The following DACH1 variants were observed in gnomAD, a reference collection of about 807,000 sequenced individuals.
DACH1 encodes dachshund homolog 1.
A neutral mutation model predicts 54.2 loss-of-function variants in DACH1; 12 were observed. The observed-to-expected ratio is 0.22, with a 90% CI of 0.14 to 0.36. The LOEUF (loss-of-function observed/expected upper bound fraction) is 0.36, where lower values mean the gene tolerates loss of function less well. Ranked by LOEUF, DACH1 falls within the 10% of genes least tolerant of loss-of-function variation. The probability of loss-of-function intolerance (pLI) is 1.00; values close to 1 mark genes in which losing one functional copy is unlikely to be tolerated. For synonymous variants in DACH1, 386 were observed against 366.2 expected, an observed-to-expected ratio of 1.05 and a Z score of -0.62; for missense variants, 805 against 929.8, an observed-to-expected ratio of 0.87 and a Z score of 1.75.
chr13:71,573,212 T>C (rs1217829936), intron 3 of DACH1, among the ~76,000 whole-genome samples, 200 bp from the exon 4 acceptor site: 2 of 152,162 alleles, frequency 1.3e-5, no homozygotes, highest in Non-Finnish European at 1.5e-5. Flanking sequence ...TCCTAACTTA[T>C]CCTGTGTTTA....
chr13:71,604,572 A>G (rs1174422016), intron 3 of DACH1, among the ~76,000 whole-genome samples: 1 of 151,946 alleles, frequency 6.6e-6, no homozygotes, highest in Non-Finnish European at 1.5e-5. Flanking sequence ...TTCCAATAAT[A>G]TGGTCTTTTT....
chr13:71,786,629 C>T (rs1191333594), intron 1 of DACH1, among the ~76,000 whole-genome samples: 1 of 152,008 alleles, frequency 6.6e-6, no homozygotes, highest in Admixed American at 6.6e-5. Flanking sequence ...ACATTTTAAT[C>T]ATATAAGAAT....
chr13:71,544,331 T>C (rs1883328328), intron 6 of DACH1, among the ~76,000 whole-genome samples: 1 of 152,142 alleles, frequency 6.6e-6, no homozygotes, highest in Admixed American at 6.6e-5. Flanking sequence ...ATGGGTTTAG[T>C]CTTCATTATC....
chr13:71,744,636 A>G, intron 1 of DACH1, among the ~76,000 whole-genome samples: 1 of 152,208 alleles, frequency 6.6e-6, no homozygotes, highest in East Asian at 1.9e-4. Context: ...TGCTAAGAAT[A>G]TGCAATCACA....
intron 3 of DACH1, among the ~76,000 whole-genome samples, chr13:71,595,209 A>C (rs931531411): frequency 6.6e-6 from 1 of 152,084 alleles, no homozygotes; most frequent in Admixed American, 6.6e-5. Flanking sequence ...AGCAATGTTA[A>C]GGAGCCCTGT....
At chr13:71,770,580 T>A (rs1885811628) in intron 1 of DACH1, among the ~76,000 whole-genome samples, 1 of 151,660 alleles carries the variant, frequency 6.6e-6, no homozygotes, top group African/African-American at 2.4e-5. Context: ...TATGCTCTTG[T>A]AACAAATTAA....
At chr13:71,697,208 T>A (rs1000814064) in intron 1 of DACH1, among the ~76,000 whole-genome samples, 3 of 152,164 alleles carry the variant, frequency 2.0e-5, no homozygotes, top group African/African-American at 7.2e-5. Flanking sequence ...GGAGCAATGT[T>A]TGGCACAAAG....
chr13:71,829,306 T>C (rs1437131290), intron 1 of DACH1, among the ~76,000 whole-genome samples: 4 of 151,816 alleles, frequency 2.6e-5, no homozygotes, highest in Non-Finnish European at 5.9e-5. Flanking sequence ...TGCAAATAAA[T>C]AAAATCCTGA....
intron 6 of DACH1, among the ~76,000 whole-genome samples, chr13:71,531,992 T>C (rs1362306688): frequency 2.0e-5 from 3 of 151,990 alleles, no homozygotes; most frequent in East Asian, 3.8e-4. Context: ...TACTGTGTCT[T>C]GTGCATATTA....
chr13:71,502,456 C>G (rs1879998321), intron 6 of DACH1, among the ~76,000 whole-genome samples: 1 of 152,144 alleles, frequency 6.6e-6, no homozygotes, highest in Non-Finnish European at 1.5e-5. Context: ...CAAATGCTAA[C>G]CATACCAACA....
At chr13:71,687,057 C>T (rs946012519) in intron 1 of DACH1, among the ~76,000 whole-genome samples, 2 of 152,116 alleles carry the variant, frequency 1.3e-5, no homozygotes, top group Non-Finnish European at 2.9e-5. Context: ...CAAGCATTTA[C>T]GAGTGAAAGC....
chr13:71,793,282 T>C (rs986143768), intron 1 of DACH1, among the ~76,000 whole-genome samples: 1 of 152,176 alleles, frequency 6.6e-6, no homozygotes, highest in Non-Finnish European at 1.5e-5. Context: ...GAACTGAACT[T>C]CTAATATTTT....
intron 2 of DACH1, among the ~76,000 whole-genome samples, chr13:71,637,765 T>C (rs1207947437): frequency 5.3e-5 from 8 of 152,130 alleles, no homozygotes; most frequent in Admixed American, 3.9e-4. Context: ...TTACTCTCTT[T>C]AAAAAAATGG....
intron 3 of DACH1, among the ~76,000 whole-genome samples, chr13:71,611,429 G>T (rs1292673301): frequency 6.6e-6 from 1 of 152,176 alleles, no homozygotes; most frequent in Non-Finnish European, 1.5e-5. Flanking sequence ...AAGAATAAGT[G>T]TTAAGGCTTT....
At chr13:71,636,987 T>C (rs1877532905) in intron 2 of DACH1, among the ~76,000 whole-genome samples, 1 of 152,198 alleles carries the variant, frequency 6.6e-6, no homozygotes, top group Non-Finnish European at 1.5e-5. Flanking sequence ...CTTTTACTTT[T>C]ATTCTCACTT....
Position 71,550,105 on chromosome 13 carries a change from A to C in DACH1, c.1570+6919T>G, listed in dbSNP as rs868076912. The stretch of plus-strand genomic sequence containing the variant: ...TTCCTATTGGGGTCAAATGTAAATC[A>C]TGATAACTGTGGTATTATGAATTGT... On this transcript the variant is annotated intron_variant, in intron 6 of 10. Coordinates refer to ENST00000613252, the MANE Select transcript of DACH1 (RefSeq NM_080759.6). Among the ~76,000 whole-genome samples the C allele has an allele frequency of 5.9e-5, 9 of 152,322 alleles. No individual in the cohort carries two copies. In the Middle Eastern group the frequency reaches 0.014, roughly 230 times the overall value.
chr13:71,495,607 G>A (rs1424426314), intron 6 of DACH1, among the ~76,000 whole-genome samples: 1 of 151,768 alleles, frequency 6.6e-6, no homozygotes, highest in Non-Finnish European at 1.5e-5. Flanking sequence ...AGGCACTCTC[G>A]GCTTAATTTA....
chr13:71,546,284 T>C (rs545563159), intron 6 of DACH1, among the ~76,000 whole-genome samples: 1 of 152,120 alleles, frequency 6.6e-6, no homozygotes, highest in East Asian at 1.9e-4. Flanking sequence ...CAGATTACAT[T>C]TTTCAAAAGA....
At chr13:71,681,081 A>G (rs190843707) in intron 2 of DACH1, among the ~76,000 whole-genome samples, 9 of 152,148 alleles carry the variant, frequency 5.9e-5, no homozygotes, top group Admixed American at 1.3e-4. Flanking sequence ...CAATATTTCA[A>G]TTTGCTCATG....
Sources: gnomAD v4.1 joint callset for allele counts (sites outside exome capture counted in the v4.1 genomes callset) on GRCh38, gnomAD v4.1.1 for gene constraint, MANE v1.5 for transcripts, NCBI Gene and HGNC (gene_info 2026-07-23, HGNC 2026-07-21) for gene names.